The following LDLRAD3 variants were observed in gnomAD, a reference collection of about 807,000 sequenced individuals.
LDLRAD3 encodes low density lipoprotein receptor class A domain containing 3.
Under a neutral mutation model 29.4 loss-of-function variants are expected in LDLRAD3, and 20 were observed. The ratio of observed to expected loss-of-function variants is 0.68; its 90% CI spans 0.48 to 0.99. LDLRAD3 has a LOEUF of 0.99. Among genes scored for constraint, LDLRAD3 ranks in the 50% least tolerant of loss-of-function variants. The probability of loss-of-function intolerance (pLI) is 0.00; values close to 1 mark genes in which losing one functional copy is unlikely to be tolerated. For missense variants in LDLRAD3, 420 were observed against 454.3 expected, an observed-to-expected ratio of 0.92 and a Z score of 0.69; for synonymous variants, 157 against 192.7, an observed-to-expected ratio of 0.81 and a Z score of 1.53.
Position 36,218,331 on chromosome 11 carries a change from C to G in LDLRAD3, c.455-8754C>G, listed in dbSNP as rs541644075. ...ATGCTGGGAAATTAATCACAGGGAACAGTGCTGTCTGTGAACGACAGGCCA... is the reference window on the plus strand; with the variant it reads ...ATGCTGGGAAATTAATCACAGGGAAGAGTGCTGTCTGTGAACGACAGGCCA... On this transcript the variant is annotated intron_variant, in intron 4 of 5. Transcript: ENST00000315571. Among the ~76,000 whole-genome samples the G allele has an allele frequency of 2.0e-4, 31 of 152,328 alleles. No individual in the cohort carries two copies. In the South Asian group the frequency reaches 6.2e-3, roughly 31 times the overall value.
intron 4 of LDLRAD3, among the ~76,000 whole-genome samples, chr11:36,121,380 C>T (rs999189865): frequency 6.6e-6 from 1 of 151,856 alleles, no homozygotes; most frequent in East Asian, 1.9e-4. Context: ...AGCCTCGAGG[C>T]TGGAATATAA....
At chr11:36,005,597 C>T (rs1851874422) in intron 1 of LDLRAD3, among the ~76,000 whole-genome samples, 1 of 152,236 alleles carries the variant, frequency 6.6e-6, no homozygotes, top group African/African-American at 2.4e-5. Flanking sequence ...CAACCTCTGC[C>T]CATTACCCAG....
intron 3 of LDLRAD3, among the ~76,000 whole-genome samples, chr11:36,097,110 G>A (rs936984931): frequency 6.6e-6 from 1 of 152,188 alleles, no homozygotes; most frequent in African/African-American, 2.4e-5. Flanking sequence ...TAAGGGGACG[G>A]CCCAGATCTG....
At chr11:35,996,811 G>A (rs569923969) in intron 1 of LDLRAD3, among the ~76,000 whole-genome samples, 162 of 152,238 alleles carry the variant, frequency 1.1e-3, no homozygotes, top group Non-Finnish European at 2.0e-3. Flanking sequence ...TTGGTTAAAT[G>A]TGCCAGCCCC....
intron 4 of LDLRAD3, among the ~76,000 whole-genome samples, chr11:36,194,999 GA>G (rs1193812307): frequency 8.5e-5 from 13 of 152,172 alleles, no homozygotes; most frequent in African/African-American, 3.1e-4. Flanking sequence ...TCAACCTTGG[GA>G]AAGTTCCTAA....
chr11:36,094,296 C>T (rs530760636), intron 3 of LDLRAD3, among the ~76,000 whole-genome samples: 4 of 152,302 alleles, frequency 2.6e-5, no homozygotes, highest in African/African-American at 9.6e-5. Flanking sequence ...TTGCCTAGCA[C>T]CAGTTTTTGT....
intron 1 of LDLRAD3, among the ~76,000 whole-genome samples, chr11:36,004,123 CA>C (rs1851856570): frequency 1.3e-5 from 2 of 152,140 alleles, no homozygotes; most frequent in African/African-American, 4.8e-5. Flanking sequence ...TTGCAAAATA[CA>C]ATTATCTCTT....
chr11:35,944,812 C>A lies in LDLRAD3; in HGVS notation c.46+668C>A, dbSNP rs1851036255. ...CTTGCCCCGCGATGGGCGCCCTGAC[C>A]GGCGAGGGGCCCTGGGAGAGGACAC... On this transcript the variant is annotated intron_variant, in intron 1 of 5. Transcript: ENST00000315571. The surrounding 1 kb of genome is among the most constrained non-coding windows in gnomAD (Gnocchi z 4.9). Among the ~76,000 whole-genome samples the A allele has an allele frequency of 6.6e-6, 1 of 152,230 alleles. No individual in the cohort carries two copies.
intron 4 of LDLRAD3, among the ~76,000 whole-genome samples, chr11:36,113,265 C>T (rs954191158): frequency 6.6e-6 from 1 of 152,002 alleles, no homozygotes; most frequent in Non-Finnish European, 1.5e-5. Context: ...CAGGTTATGG[C>T]TTAATAAGTG....
intron 4 of LDLRAD3, among the ~76,000 whole-genome samples, chr11:36,178,029 G>A (rs1380652313): frequency 2.6e-5 from 4 of 152,158 alleles, no homozygotes; most frequent in Admixed American, 1.3e-4. Context: ...GTGAAATCTT[G>A]TGGCTTTCCT....
intron 4 of LDLRAD3, among the ~76,000 whole-genome samples, chr11:36,160,940 A>G (rs1854430908): frequency 6.6e-6 from 1 of 152,114 alleles, no homozygotes; most frequent in Non-Finnish European, 1.5e-5. Flanking sequence ...GATTACAGGC[A>G]CCTGCAACCA....
At chr11:36,131,121 T>C (rs924045798) in intron 4 of LDLRAD3, among the ~76,000 whole-genome samples, 1 of 152,164 alleles carries the variant, frequency 6.6e-6, no homozygotes, top group African/African-American at 2.4e-5. Flanking sequence ...GAAAAACCAC[T>C]CTAGGCCGGG....
intron 2 of LDLRAD3, among the ~76,000 whole-genome samples, chr11:36,069,958 C>T (rs1852869724): frequency 6.6e-6 from 1 of 152,178 alleles, no homozygotes; most frequent in African/African-American, 2.4e-5. Context: ...CGTGGCCGAC[C>T]TCAGCTGAAA....
intron 1 of LDLRAD3, among the ~76,000 whole-genome samples, chr11:36,020,561 C>T (rs1344879467): frequency 6.6e-6 from 1 of 152,212 alleles, no homozygotes; most frequent in Non-Finnish European, 1.5e-5. Flanking sequence ...TACATTAGAA[C>T]ACATTCCCTC....
chr11:36,144,077 C>T (rs1157740483), intron 4 of LDLRAD3, among the ~76,000 whole-genome samples: 6 of 151,664 alleles, frequency 4.0e-5, no homozygotes, highest in Middle Eastern at 3.4e-3. Flanking sequence ...TGCAGGCGCG[C>T]GCCACCACGC....
intron 1 of LDLRAD3, among the ~76,000 whole-genome samples, chr11:35,964,013 G>T (rs143223324): frequency 1.7e-4 from 26 of 152,322 alleles, no homozygotes; most frequent in Non-Finnish European, 3.1e-4. Flanking sequence ...AATAAACAAG[G>T]ATTGGGAAGG....
At position 36,115,173 on chromosome 11, in the gene LDLRAD3, C is replaced by T. The variant is rs11821479; in HGVS notation, c.454+16712C>T. Among the ~76,000 whole-genome samples, 1,024 of 152,318 alleles carry T rather than the reference C, an allele frequency of 6.7e-3. 8 individuals are homozygous for T. The highest frequency in any genetic ancestry group is 0.023 in the African/African-American group (973 of 41,564). On this transcript the variant is annotated intron_variant, in intron 4 of 5. Coordinates refer to ENST00000315571, the MANE Select transcript of LDLRAD3 (RefSeq NM_174902.4). ...GAGGAGAGAGATGCTTGGGCCACCC[C>T]TGGCTGCTTCAGCCACTGCTGTCCC... is the stretch of plus-strand genomic sequence containing the variant.
intron 5 of LDLRAD3, among the ~76,000 whole-genome samples, chr11:36,228,265 A>C (rs1855527370): frequency 6.6e-6 from 1 of 152,200 alleles, no homozygotes; most frequent in Non-Finnish European, 1.5e-5. Context: ...AAGGTGAATA[A>C]AGTTTCAGAG....
chr11:36,011,954 G>A (rs116496598), intron 1 of LDLRAD3, among the ~76,000 whole-genome samples: 2,992 of 152,266 alleles, frequency 0.02, 113 homozygotes, highest in African/African-American at 0.068. Flanking sequence ...TAGTCTAACT[G>A]CATGACTGTG....
Sources: gnomAD v4.1 joint callset for allele counts (sites outside exome capture counted in the v4.1 genomes callset) on GRCh38, gnomAD v4.1.1 for gene constraint, Gnocchi (gnomAD v3.1) non-coding constraint, MANE v1.5 for transcripts, NCBI Gene and HGNC (gene_info 2026-07-23, HGNC 2026-07-21) for gene names.